PCNX2: variants seen among roughly 807,000 people sequenced by gnomAD.
PCNX2 encodes the protein pecanex 2, also known as pecanex-like protein 2.
Under a neutral mutation model 223.8 loss-of-function variants are expected in PCNX2, and 168 were observed. That is an observed-to-expected ratio of 0.75 (90% CI 0.66 to 0.85). The LOEUF is 0.85. Among genes scored for constraint, PCNX2 ranks in the 40% least tolerant of loss-of-function variants. The probability of loss-of-function intolerance (pLI) is 0.00; values close to 1 mark genes in which losing one functional copy is unlikely to be tolerated. For missense variants in PCNX2, 2,507 were observed against 2,675.5 expected (o/e 0.94, Z 1.39); for synonymous variants, 1,006 against 1,052.6 (o/e 0.96, Z 0.86).
chr1:233,053,542 T>C (rs868388068), intron 25 of PCNX2, among the ~76,000 whole-genome samples: 15 of 152,198 alleles, frequency 9.9e-5, no homozygotes, highest in African/African-American at 3.4e-4. Flanking sequence ...ATAAGACTCT[T>C]TTATGTCACG....
At position 233,287,025 on chromosome 1, in the gene PCNX2, T is replaced by C. The variant is rs940930748; in HGVS notation, c.153+8301A>G. On this transcript the variant is annotated intron_variant, in intron 1 of 33. Coordinates refer to ENST00000258229, the MANE Select transcript of PCNX2 (RefSeq NM_014801.4). ...TTGTATAAGCTGTGATGTGAAGTCA[T>C]GGGCGTTACCCATATTTTTATCTGG... is the stretch of plus-strand genomic sequence containing the variant. Among the ~76,000 whole-genome samples the C allele has an allele frequency of 9.5e-4, 144 of 152,196 alleles. 3 individuals are homozygous for C. The highest frequency in any genetic ancestry group is 9.4e-3 in the Admixed American group (144 of 15,272).
In PCNX2 at chr1:233,206,903, T is replaced by C. The variant is rs185728231; in HGVS notation, c.2863+1615A>G. On this transcript the variant is annotated intron_variant, in intron 13 of 33. Transcript: ENST00000258229. Reference sequence around the variant, plus strand: ...GCACATGCCTGTAATCCCAGCTACTTGGGAGGCTGAGGCTGGAGAATCGCT... The same window carrying C: ...GCACATGCCTGTAATCCCAGCTACTCGGGAGGCTGAGGCTGGAGAATCGCT... Among the ~76,000 whole-genome samples, 7 of 151,676 alleles carry C rather than the reference T, an allele frequency of 4.6e-5. No homozygotes were observed. The South Asian group carries it at 6.2e-4, about 14-fold the overall frequency.
intron 17 of PCNX2, among the ~76,000 whole-genome samples, chr1:233,161,652 C>T (rs1571995940): frequency 6.6e-6 from 1 of 152,228 alleles, no homozygotes; most frequent in East Asian, 1.9e-4. Flanking sequence ...GTTTTCTACA[C>T]AAGTAAGAGG....
chr1:232,988,490 G>A (rs1314706810), intron 32 of PCNX2, among the ~76,000 whole-genome samples: 1 of 151,832 alleles, frequency 6.6e-6, no homozygotes, highest in Admixed American at 6.6e-5. Context: ...ATGCATTTGT[G>A]CTACTCAAGA....
Position 233,016,917 on chromosome 1 carries a change from C to CGGTA in PCNX2, c.4839+3_4839+4insTACC. ...ATGCCTCAGCCCCCACCTCCCTGAC[C>CGGTA]TACCTCTTGTCTTTTCCGTGCACAG... On this transcript the variant is annotated splice_donor_region_variant and intron_variant, in intron 27 of 33. Coordinates refer to ENST00000258229, the MANE Select transcript of PCNX2 (RefSeq NM_014801.4). 1 of 1,594,668 alleles carries CGGTA rather than the reference C, an allele frequency of 6.3e-7. No individual in the cohort carries two copies. Among genetic ancestry groups the CGGTA allele is most frequent in the Non-Finnish European group, 8.6e-7 (1 of 1,163,296 alleles).
intron 10 of PCNX2, among the ~76,000 whole-genome samples, chr1:233,226,601 C>T (rs1402230514): frequency 1.3e-5 from 2 of 152,178 alleles, no homozygotes; most frequent in African/African-American, 4.8e-5. Flanking sequence ...TTAACTTCTC[C>T]TCCTCTTTCT....
intron 23 of PCNX2, among the ~76,000 whole-genome samples, chr1:233,062,175 T>A (rs1672431122): frequency 6.6e-6 from 1 of 152,244 alleles, no homozygotes; most frequent in African/African-American, 2.4e-5. Flanking sequence ...GTAAGAACTA[T>A]GAAAGTGAGC....
chr1:232,999,550 T>C (rs555401566), intron 30 of PCNX2, 171 bp from the exon 31 acceptor site: 1 of 687,486 alleles, frequency 1.5e-6, no homozygotes, highest in Non-Finnish European at 2.3e-6. Flanking sequence ...GCCTCCCGGA[T>C]TCAAGCAATT....
the PCNX2 span, among the ~76,000 whole-genome samples, chr1:233,305,520 G>T: frequency 6.5e-3 from 974 of 150,558 alleles, 12 homozygotes; most frequent in African/African-American, 0.023. Flanking sequence ...ATTATGGCTC[G>T]TGCAGCCTCA....
intron 15 of PCNX2, among the ~76,000 whole-genome samples, chr1:233,192,788 T>C (rs557605593): frequency 1.3e-5 from 2 of 151,774 alleles, no homozygotes; most frequent in Non-Finnish European, 2.9e-5. Flanking sequence ...ATTAGGATAA[T>C]AGTACTTGTC....
At chr1:233,079,687 G>C (rs1050575019) in intron 23 of PCNX2, among the ~76,000 whole-genome samples, 8 of 152,090 alleles carry the variant, frequency 5.3e-5, no homozygotes, top group Non-Finnish European at 1.2e-4. Context: ...AAGCTGAAAG[G>C]CCCTTTTAAG....
intron 3 of PCNX2, 117 bp downstream of exon 3, chr1:233,261,928 A>T: frequency 6.9e-7 from 1 of 1,458,974 alleles, no homozygotes; most frequent in Non-Finnish European, 9.5e-7. Context: ...TCCACTGTAC[A>T]CGGGCCAGTG....
At chr1:233,084,328 T>C (rs1386328293) in intron 23 of PCNX2, among the ~76,000 whole-genome samples, 1 of 152,102 alleles carries the variant, frequency 6.6e-6, no homozygotes, top group Non-Finnish European at 1.5e-5. Context: ...AGATGCAGAG[T>C]TGATACTTTT....
chr1:233,292,704 C>G (rs180692950), intron 1 of PCNX2, among the ~76,000 whole-genome samples: 1 of 152,060 alleles, frequency 6.6e-6, no homozygotes, highest in Non-Finnish European at 1.5e-5. Flanking sequence ...TATTTAAGCA[C>G]GAAGATCTGA....
intron 26 of PCNX2, among the ~76,000 whole-genome samples, chr1:233,019,896 G>A (rs1244445381): frequency 1.3e-5 from 2 of 152,094 alleles, no homozygotes; most frequent in East Asian, 3.8e-4. Flanking sequence ...AAAGAGTAAC[G>A]ATGCCCATGT....
At chr1:233,311,204 T>C in the PCNX2 span, among the ~76,000 whole-genome samples, 1 of 152,242 alleles carries the variant, frequency 6.6e-6, no homozygotes, top group African/African-American at 2.4e-5. Flanking sequence ...TTACCTACCA[T>C]AACTAACCCA....
chr1:233,024,214 T>A (rs1671004901), intron 26 of PCNX2, among the ~76,000 whole-genome samples: 1 of 152,230 alleles, frequency 6.6e-6, no homozygotes, highest in African/African-American at 2.4e-5. Context: ...CATGTCTGGA[T>A]TTATTCCAAA....
intron 33 of PCNX2, 39 bp from the exon 34 acceptor site, chr1:232,984,516 A>G (rs1558140898): frequency 4.4e-6 from 7 of 1,591,294 alleles, no homozygotes; most frequent in Non-Finnish European, 6.0e-6. Flanking sequence ...CAGCTCAGCA[A>G]ACGTTCACTA....
At chr1:233,232,989 C>A in intron 9 of PCNX2, 6 of 985,336 alleles carry the variant, frequency 6.1e-6, no homozygotes, top group Non-Finnish European at 7.2e-6. Context: ...GAGTTGGAGA[C>A]CATATCCAGG....
Sources: gnomAD v4.1 joint callset for allele counts (sites outside exome capture counted in the v4.1 genomes callset) on GRCh38, gnomAD v4.1.1 for gene constraint, MANE v1.5 for transcripts, NCBI Gene and HGNC (gene_info 2026-07-23, HGNC 2026-07-21) for gene names.